Variants in IL12RB2 observed in about 807,000 individuals in gnomAD.
IL12RB2 encodes the protein interleukin-12 receptor subunit beta-2.
IL12RB2 carries 82 observed loss-of-function variants against 89.4 expected under a neutral mutation model. The observed-to-expected ratio is 0.92, with a 90% CI of 0.77 to 1.10. The LOEUF is 1.10. Ranked by LOEUF, IL12RB2 falls within the 50% of genes least tolerant of loss-of-function variation. The pLI, the probability that IL12RB2 is intolerant of heterozygous loss-of-function variation, is 0.00. For synonymous variants in IL12RB2, 368 were observed against 370.1 expected (o/e 0.99, Z 0.07); for missense variants, 963 against 1,031.9 (o/e 0.93, Z 0.92).
At position 67,395,879 on chromosome 1, in the gene IL12RB2, C is replaced by T; in HGVS notation, c.2379C>T (p.Asp793=). The T allele has an allele frequency of 6.2e-7, 1 of 1,608,316 alleles. No homozygotes were observed. The highest frequency in any genetic ancestry group is 8.5e-7 in the Non-Finnish European group (1 of 1,175,318). ...ACPWTVLPAG[D]LPTHDGYLPS... ...CCTGGACGGTGCTCCCAGCAGGTGACCTTCCCACCCATGATGGCTACTTAC... is the reference window on the plus strand; with the variant it reads ...CCTGGACGGTGCTCCCAGCAGGTGATCTTCCCACCCATGATGGCTACTTAC... The change falls in exon 17 of 17, where the codon GAC becomes GAT. Residue 793 remains aspartate (D), a synonymous_variant. Coordinates refer to ENST00000674203, the MANE Select transcript of IL12RB2 (RefSeq NM_001374259.2).
At position 67,395,804 on chromosome 1, in the gene IL12RB2, G is replaced by A. The variant is rs769927347; in HGVS notation, c.2304G>A (p.Lys768=). The change falls in exon 17 of 17, where the codon AAG becomes AAA. Residue 768 remains lysine (K), a synonymous_variant. Coordinates refer to ENST00000674203, the MANE Select transcript of IL12RB2 (RefSeq NM_001374259.2). ...AESRQLVDLY[K]VLESRGSDPK... ...GCAGACAACTGGTGGATCTGTACAAGGTGCTGGAGAGCAGGGGCTCCGACC... is the reference window on the plus strand; with the variant it reads ...GCAGACAACTGGTGGATCTGTACAAAGTGCTGGAGAGCAGGGGCTCCGACC... 1.2e-6 allele frequency: 2 copies of A among 1,613,308 alleles called. No individual in the cohort carries two copies. Among genetic ancestry groups the A allele is most frequent in the Admixed American group, 3.3e-5 (2 of 59,978 alleles).
Position 67,343,390 on chromosome 1 carries a change from T to A in IL12RB2, c.1038+4687T>A, listed in dbSNP as rs1414313967. Among the ~76,000 whole-genome samples the A allele has an allele frequency of 3.3e-5, 5 of 152,224 alleles. No homozygotes were observed. In the East Asian group the frequency reaches 9.6e-4, roughly 29 times the overall value. On this transcript the variant is annotated intron_variant, in intron 9 of 16. Coordinates refer to ENST00000674203, the MANE Select transcript of IL12RB2 (RefSeq NM_001374259.2). Reference sequence around the variant, plus strand: ...AGCTACCACACCTGGCCCATAGCTATTTTTAAGAGGAAAAATACTTTCAAT... The same window carrying A: ...AGCTACCACACCTGGCCCATAGCTAATTTTAAGAGGAAAAATACTTTCAAT...
At chr1:67,351,577 G>A (rs918550269) in intron 10 of IL12RB2, among the ~76,000 whole-genome samples, 22 of 152,182 alleles carry the variant, frequency 1.4e-4, no homozygotes, top group African/African-American at 5.3e-4. Flanking sequence ...TGGGAGGATT[G>A]CTTAAGCCCA....
chr1:67,390,782 A>G (rs570193475), intron 16 of IL12RB2, among the ~76,000 whole-genome samples: 4 of 152,252 alleles, frequency 2.6e-5, no homozygotes, highest in African/African-American at 9.6e-5. Flanking sequence ...AGTTGAAAGT[A>G]TCTGAATATG....
chr1:67,389,034 G>A (rs569237980), intron 15 of IL12RB2, among the ~76,000 whole-genome samples: 3 of 152,028 alleles, frequency 2.0e-5, no homozygotes, highest in South Asian at 4.2e-4. Context: ...TTACAGTGCA[G>A]GCTAAACTGC....
chr1:67,356,520 GAAT>G (rs1338197439), intron 10 of IL12RB2, among the ~76,000 whole-genome samples: 5 of 152,178 alleles, frequency 3.3e-5, no homozygotes, highest in South Asian at 2.1e-4. Flanking sequence ...TTTCAAACAA[GAAT>G]AATAGCTCAA....
chr1:67,314,659 AC>A (rs1307070708), intron 2 of IL12RB2, among the ~76,000 whole-genome samples: 1 of 152,174 alleles, frequency 6.6e-6, no homozygotes, highest in Admixed American at 6.5e-5. Context: ...TGAGATTATC[AC>A]CTGCGAAAGG....
intron 8 of IL12RB2, among the ~76,000 whole-genome samples, chr1:67,332,636 C>T (rs1159511366): frequency 1.3e-5 from 2 of 152,110 alleles, no homozygotes; most frequent in African/African-American, 2.4e-5. Context: ...CTCATAATAT[C>T]GTTTTATTAT....
At chr1:67,394,551 A>G (rs940482259) in intron 16 of IL12RB2, among the ~76,000 whole-genome samples, 1 of 152,200 alleles carries the variant, frequency 6.6e-6, no homozygotes, top group African/African-American at 2.4e-5. Flanking sequence ...AGGCAAAAAA[A>G]GATGAAAATT....
In IL12RB2 at chr1:67,321,832, C is replaced by T. The variant is rs773446982; in HGVS notation, c.307C>T (p.Leu103=). 6.2e-7 allele frequency: 1 copy of T among 1,613,374 alleles called. No individual in the cohort carries two copies. Among genetic ancestry groups the T allele is most frequent in the African/African-American group, 1.3e-5 (1 of 74,906 alleles). ...TGGTACAACCTTGTTTGTCTGCAAA[C>T]TGGCCTGTATCAATAGTGATGAAAT... ...PLGTTLFVCK[L]ACINSDEIQI... The change falls in exon 4 of 17, where the codon CTG becomes TTG. Residue 103 remains leucine (L), a synonymous_variant. Coordinates refer to ENST00000674203, the MANE Select transcript of IL12RB2 (RefSeq NM_001374259.2).
At position 67,395,529 on chromosome 1, in the gene IL12RB2, C is replaced by T. The variant is rs1161449778; in HGVS notation, c.2047-18C>T. On this transcript the variant is annotated intron_variant, in intron 16 of 16. Transcript: ENST00000674203. ...ACTTCTACAGCAGTGTGAGCCTCTTCCTCCTCCTTTCTCTCAGGAGAAGAC... is the reference window on the plus strand; with the variant it reads ...ACTTCTACAGCAGTGTGAGCCTCTTTCTCCTCCTTTCTCTCAGGAGAAGAC... 2 of 1,614,070 alleles carry T rather than the reference C, an allele frequency of 1.2e-6. No individual in the cohort carries two copies. The highest frequency in any genetic ancestry group is 1.3e-5 in the African/African-American group (1 of 74,924).
At chr1:67,380,804 T>C (rs575746803) in intron 14 of IL12RB2, among the ~76,000 whole-genome samples, 1 of 152,318 alleles carries the variant, frequency 6.6e-6, no homozygotes, top group Admixed American at 6.5e-5. Flanking sequence ...TTACTTGGCT[T>C]GTAGGTCTCT....
At chr1:67,376,872 GAACAGAAGGTCTCTCTAAAATTA>G (rs1466460036) in intron 13 of IL12RB2, among the ~76,000 whole-genome samples, 8 of 152,180 alleles carry the variant, frequency 5.3e-5, no homozygotes, top group Non-Finnish European at 7.3e-5. Context: ...GCAGCAGGAG[GAACAGAAGGTCTCTCTAAAATTA>G]ATTTTTTAAT....
At chr1:67,372,380 T>C in intron 11 of IL12RB2, 56 bp from the exon 12 acceptor site, 1 of 928,862 alleles carries the variant, frequency 1.1e-6, no homozygotes, top group South Asian at 1.3e-5. Context: ...AATGGCTCCC[T>C]TTAGTGACTC....
chr1:67,321,735 G>C lies in IL12RB2; in HGVS notation c.210G>C (p.Leu70=), dbSNP rs201325852. ...FHYSRRNKLI[L]YKFDRRINFH... ...ATTCCAGACGTAACAAGTTAATCCT[G>C]TACAAGTTTGACAGAAGAATCAATT... The change falls in exon 4 of 17, where the codon CTG becomes CTC. Residue 70 remains leucine, a synonymous_variant. Coordinates refer to ENST00000674203, the MANE Select transcript of IL12RB2 (RefSeq NM_001374259.2). 1.9e-5 allele frequency: 30 copies of C among 1,612,844 alleles called. No homozygotes were observed. The Admixed American group carries it at 4.8e-4, about 26-fold the overall frequency.
chr1:67,344,043 A>C (rs1320606073), intron 9 of IL12RB2, among the ~76,000 whole-genome samples: 3 of 152,128 alleles, frequency 2.0e-5, no homozygotes, highest in African/African-American at 7.2e-5. Flanking sequence ...TGCTGAGGAC[A>C]TTTGGGTGTT....
chr1:67,325,157 AGTGT>A (rs1657118720), intron 4 of IL12RB2, among the ~76,000 whole-genome samples: 1 of 152,272 alleles, frequency 6.6e-6, no homozygotes, highest in Non-Finnish European at 1.5e-5. Context: ...CTTAGCACAG[AGTGT>A]GGCACATAGT....
chr1:67,321,603 T>C lies in IL12RB2; in HGVS notation c.78T>C (p.Asp26=), dbSNP rs2307147. 17,314 of 1,589,766 alleles carry C rather than the reference T, an allele frequency of 0.011. 1,638 individuals carry two copies. The African/African-American group carries it at 0.2, about 19-fold the overall frequency. ...TATTGCATCTGTATCTTATTGCAGA[T>C]GCGTGCAAGAGAGGCGATGTGACTG... ...ITWLLIKAKI[D]ACKRGDVTVK... Residue 26 remains aspartate, a splice_region_variant and synonymous_variant, in exon 4 of 17, where the codon GAT becomes GAC. Transcript: ENST00000674203.
chr1:67,315,690 T>C (rs576408301), intron 2 of IL12RB2, among the ~76,000 whole-genome samples: 2 of 152,204 alleles, frequency 1.3e-5, no homozygotes, highest in East Asian at 1.9e-4. Flanking sequence ...TACTTAAATA[T>C]TGGATTGAGC....
Sources: allele counts gnomAD v4.1 joint callset (sites outside exome capture counted in the v4.1 genomes callset), GRCh38; gene constraint gnomAD v4.1.1; transcripts MANE v1.5; gene names NCBI Gene and HGNC (gene_info 2026-07-23, HGNC 2026-07-21).